The following ARRB1 variants were observed in gnomAD, a reference collection of about 807,000 sequenced individuals.
The protein encoded by ARRB1 is arrestin beta 1, also known as beta-arrestin-1.
ARRB1 carries 21 observed loss-of-function variants against 56.8 expected under a neutral mutation model. That is an observed-to-expected ratio of 0.37 (90% CI 0.26 to 0.53). ARRB1 has a LOEUF of 0.53. Ranked by LOEUF, ARRB1 falls within the 20% of genes least tolerant of loss-of-function variation. ARRB1 has a pLI of 0.88. For missense variants in ARRB1, 424 were observed against 553.7 expected (o/e 0.77, Z 2.35); for synonymous variants, 210 against 218.6 (o/e 0.96, Z 0.35).
At chr11:75,271,856 C>A (rs1197656264) in intron 12 of ARRB1, 132 bp from the exon 13 acceptor site, 1 of 922,498 alleles carries the variant, frequency 1.1e-6, no homozygotes, top group Non-Finnish European at 1.6e-6. Context: ...CTCCCACCCA[C>A]CCCCCTGCAC....
chr11:75,338,522 C>T (rs1412255353), intron 1 of ARRB1, among the ~76,000 whole-genome samples: 1 of 152,198 alleles, frequency 6.6e-6, no homozygotes. Flanking sequence ...AGGCCAGAGC[C>T]TCAGTGTACA....
chr11:75,318,647 G>A (rs1399423902), intron 1 of ARRB1, among the ~76,000 whole-genome samples: 4 of 151,830 alleles, frequency 2.6e-5, no homozygotes, highest in Non-Finnish European at 5.9e-5. Context: ...CTGAGATCAC[G>A]CCACTGCACC....
At chr11:75,328,078 C>T (rs914231882) in intron 1 of ARRB1, among the ~76,000 whole-genome samples, 38 of 152,334 alleles carry the variant, frequency 2.5e-4, no homozygotes, top group African/African-American at 8.2e-4. Flanking sequence ...ACCCCTTACT[C>T]ACTATGTAGT....
rs1945805175 is a variant in ARRB1 at position 75,262,069 on chromosome 11, C to T, written c.*4094G>A. The T allele has an allele frequency of 6.6e-6, 1 of 152,192 alleles. No individual in the cohort carries two copies. Among genetic ancestry groups the T allele is most frequent in the Admixed American group, 6.5e-5 (1 of 15,282 alleles). The allele number at this position is 152,192 out of a possible 1,614,324, so 9.4% of individuals were successfully genotyped here. ...CTTGGGTTTTTCCTGGGCCCGAAGC[C>T]CTCCCAATGTCACTGAGAAGCTGTG... On this transcript the variant is annotated 3_prime_UTR_variant, in exon 16 of 16. Coordinates refer to ENST00000420843, the MANE Select transcript of ARRB1 (RefSeq NM_004041.5).
intron 1 of ARRB1, among the ~76,000 whole-genome samples, chr11:75,307,846 C>G (rs1947065650): frequency 6.6e-6 from 1 of 152,230 alleles, no homozygotes; most frequent in Non-Finnish European, 1.5e-5. Context: ...CAGGGGGCAA[C>G]AGGGGGATCC....
intron 1 of ARRB1, among the ~76,000 whole-genome samples, chr11:75,304,597 C>T (rs1946979497): frequency 6.6e-6 from 1 of 151,370 alleles, no homozygotes; most frequent in Non-Finnish European, 1.5e-5. Flanking sequence ...CGAATTTGCA[C>T]CCCAGGGGAC....
intron 1 of ARRB1, among the ~76,000 whole-genome samples, chr11:75,349,171 G>A (rs1438346294): frequency 6.6e-6 from 1 of 152,170 alleles, no homozygotes; most frequent in African/African-American, 2.4e-5. Context: ...GGACAGAAAG[G>A]CCTCATGGGG....
intron 1 of ARRB1, among the ~76,000 whole-genome samples, chr11:75,331,829 C>T (rs777442913): frequency 5.3e-5 from 8 of 151,924 alleles, no homozygotes; most frequent in East Asian, 1.9e-4. Flanking sequence ...CCCTACATGT[C>T]GTGACTTACT....
intron 10 of ARRB1, chr11:75,274,857 C>T (rs2140409649): frequency 6.6e-6 from 1 of 150,882 alleles, no homozygotes; most frequent in East Asian, 2.0e-4. Flanking sequence ...ATCCCAGCAA[C>T]TTGAGAGGCT....
In ARRB1 at chr11:75,320,909, G is replaced by A. The variant is rs535507182; in HGVS notation, c.20+30679C>T. On this transcript the variant is annotated intron_variant, in intron 1 of 15. Coordinates refer to ENST00000420843, the MANE Select transcript of ARRB1 (RefSeq NM_004041.5). Reference sequence around the variant, plus strand: ...TCATGGGGGCCTTTTCCTCTGGTGGGACAGGAGGCTGGGATGAGGAGACAG... The same window carrying A: ...TCATGGGGGCCTTTTCCTCTGGTGGAACAGGAGGCTGGGATGAGGAGACAG... Among the ~76,000 whole-genome samples, 7 of 152,262 alleles carry A rather than the reference G, an allele frequency of 4.6e-5. 1 individual carries two copies. Among genetic ancestry groups the A allele is most frequent in the African/African-American group, 1.4e-4 (6 of 41,548 alleles).
intron 1 of ARRB1, among the ~76,000 whole-genome samples, chr11:75,336,167 G>A (rs1414766645): frequency 2.0e-5 from 3 of 152,194 alleles, no homozygotes; most frequent in Non-Finnish European, 1.5e-5. Context: ...GGAAGAAGAG[G>A]CCTCCAGCTA....
At chr11:75,343,885 G>A (rs1473222718) in intron 1 of ARRB1, among the ~76,000 whole-genome samples, 3 of 151,720 alleles carry the variant, frequency 2.0e-5, no homozygotes, top group Non-Finnish European at 2.9e-5. Flanking sequence ...GCGTGATCTC[G>A]GCTCACTGCA....
intron 1 of ARRB1, among the ~76,000 whole-genome samples, chr11:75,292,993 T>C (rs1257239746): frequency 6.6e-6 from 1 of 152,080 alleles, no homozygotes; most frequent in Admixed American, 6.6e-5. Context: ...CCAACCCGGC[T>C]GTTTTCCTAA....
chr11:75,301,611 G>A lies in ARRB1; in HGVS notation c.21-11572C>T, dbSNP rs201930631. ...GCCATGGCTCAGCTGGGTAGGGTGGGGAGACGCAAGGGGGCATTCACTCAG... is the reference window on the plus strand; with the variant it reads ...GCCATGGCTCAGCTGGGTAGGGTGGAGAGACGCAAGGGGGCATTCACTCAG... On this transcript the variant is annotated intron_variant, in intron 1 of 15. Transcript: ENST00000420843. Among the ~76,000 whole-genome samples the A allele has an allele frequency of 5.9e-5, 9 of 152,292 alleles. No homozygotes were observed. In the East Asian group the frequency reaches 1.5e-3, roughly 26 times the overall value.
At chr11:75,316,245 T>A (rs1300062417) in intron 1 of ARRB1, among the ~76,000 whole-genome samples, 1 of 151,530 alleles carries the variant, frequency 6.6e-6, no homozygotes, top group Non-Finnish European at 1.5e-5. Context: ...GAGAATTGCT[T>A]GAACCCGGGA....
At chr11:75,318,921 A>G (rs1180894342) in intron 1 of ARRB1, among the ~76,000 whole-genome samples, 1 of 152,200 alleles carries the variant, frequency 6.6e-6, no homozygotes, top group Non-Finnish European at 1.5e-5. Flanking sequence ...GAAGGAGAGG[A>G]GCACATGGGA....
chr11:75,321,265 A>C (rs1269133628), intron 1 of ARRB1, among the ~76,000 whole-genome samples: 400 of 52,146 alleles, frequency 7.7e-3, no homozygotes, highest in Admixed American at 1.0e-2. Flanking sequence ...ATTCCTGCTC[A>C]CCCCCCCCCA....
At chr11:75,292,566 G>A (rs1208546805) in intron 1 of ARRB1, among the ~76,000 whole-genome samples, 33 of 152,224 alleles carry the variant, frequency 2.2e-4, no homozygotes, top group Admixed American at 2.2e-3. Context: ...CCAAGCTGGG[G>A]CTGGACGTGC....
intron 12 of ARRB1, 169 bp downstream of exon 12, chr11:75,272,726 C>T (rs540854199): frequency 1.2e-4 from 71 of 613,694 alleles, no homozygotes; most frequent in South Asian, 4.5e-4. Context: ...GGAAAGCGGG[C>T]GGGGGAGAAA....
Sources: gnomAD v4.1 joint callset for allele counts (sites outside exome capture counted in the v4.1 genomes callset) on GRCh38, gnomAD v4.1.1 for gene constraint, MANE v1.5 for transcripts, NCBI Gene and HGNC (gene_info 2026-07-23, HGNC 2026-07-21) for gene names.